CEP44: variants seen among roughly 807,000 people sequenced by gnomAD.
CEP44 encodes centrosomal protein 44.
In CEP44, 45 loss-of-function variants were observed where a neutral mutation model predicts 46.7. The ratio of observed to expected loss-of-function variants is 0.96; its 90% CI spans 0.76 to 1.24. CEP44 has a LOEUF of 1.24. CEP44 is among the 50% of genes most tolerant of loss of function. The probability of loss-of-function intolerance (pLI) is 0.00; values close to 1 mark genes in which losing one functional copy is unlikely to be tolerated. For synonymous variants in CEP44, 142 were observed against 146.0 expected (o/e 0.97, Z 0.20); for missense variants, 475 against 459.7 (o/e 1.03, Z -0.30).
chr4:174,287,860 C>T lies in CEP44; in HGVS notation c.-148+3917C>T, dbSNP rs901178804. ...AATGAATTAGGTAGAGCTAGTAATACCAGGTATAGACAAGAATGTAGTATT... is the reference window on the plus strand; with the variant it reads ...AATGAATTAGGTAGAGCTAGTAATATCAGGTATAGACAAGAATGTAGTATT... On this transcript the variant is annotated intron_variant, in intron 1 of 11. Coordinates refer to ENST00000503780, the MANE Select transcript of CEP44 (RefSeq NM_001040157.3). This position sits in a 1 kb window ranked among gnomAD's most constrained non-coding sequence, Gnocchi z 5.1. Among the ~76,000 whole-genome samples, 20 of 152,114 alleles carry T rather than the reference C, an allele frequency of 1.3e-4. No individual in the cohort carries two copies. The highest frequency in any genetic ancestry group is 1.6e-4 in the Non-Finnish European group (11 of 68,024).
At chr4:174,308,490 G>T (rs948813177) in intron 6 of CEP44, among the ~76,000 whole-genome samples, 199 bp from the exon 7 acceptor site, 2 of 152,084 alleles carry the variant, frequency 1.3e-5, no homozygotes, top group African/African-American at 4.8e-5. Flanking sequence ...GTGGAGGGTA[G>T]GAGGAGGTTC....
chr4:174,291,787 C>CTTT (rs56201469), intron 1 of CEP44, among the ~76,000 whole-genome samples: 9,876 of 46,344 alleles, frequency 0.21, 2,280 homozygotes, highest in Non-Finnish European at 0.26. Context: ...TTTTTCTTTT[C>CTTT]TTTTTTTTTT....
In CEP44 at chr4:174,290,638, CA is replaced by C. The variant is rs1738089996; in HGVS notation, c.-148+6698del. 6.6e-6 allele frequency among the ~76,000 whole-genome samples: 1 copy of C among 152,088 alleles called. No individual in the cohort carries two copies. Among genetic ancestry groups the C allele is most frequent in the South Asian group, 2.1e-4 (1 of 4,820 alleles). On this transcript the variant is annotated intron_variant, in intron 1 of 11. Coordinates refer to ENST00000503780, the MANE Select transcript of CEP44 (RefSeq NM_001040157.3). This position sits in a 1 kb window ranked among gnomAD's most constrained non-coding sequence, Gnocchi z 4.3. ...CAGTACATTATAGACAGTGACGTATCAAAGTCTCCTTCTGTATTGTATTGAT... is the reference window on the plus strand; with the variant it reads ...CAGTACATTATAGACAGTGACGTATCAAGTCTCCTTCTGTATTGTATTGAT...
In CEP44 at chr4:174,318,803, C is replaced by G; in HGVS notation, c.*1420C>G. On this transcript the variant is annotated 3_prime_UTR_variant, in exon 12 of 12. Coordinates refer to ENST00000503780, the MANE Select transcript of CEP44 (RefSeq NM_001040157.3). ...TTTTAAGAAAACATTTTTAGAATTC[C>G]TTTGTTTTTTTTTTTTTTCTTTTTG... is the stretch of plus-strand genomic sequence containing the variant. 1.4e-6 allele frequency: 1 copy of G among 697,052 alleles called. No individual in the cohort carries two copies. The highest frequency in any genetic ancestry group is 1.8e-6 in the Non-Finnish European group (1 of 570,498). 43.2% of individuals were successfully genotyped at this position (697,052 alleles called of 1,614,324 possible).
intron 9 of CEP44, among the ~76,000 whole-genome samples, chr4:174,313,497 A>G (rs1373867195): frequency 2.0e-5 from 3 of 152,128 alleles, no homozygotes; most frequent in Non-Finnish European, 2.9e-5. Flanking sequence ...AGAAAGATCA[A>G]GTCATGGAGT....
rs984868604 is a variant in CEP44 at position 174,319,057 on chromosome 4, C to T, written c.*1674C>T. ...CTCGTGAGCTAAAGCTACTCGCCCA[C>T]CTGGATGTCCCAAAGTGCTAGATTC... is the stretch of plus-strand genomic sequence containing the variant. On this transcript the variant is annotated 3_prime_UTR_variant, in exon 12 of 12. Coordinates refer to ENST00000503780, the MANE Select transcript of CEP44 (RefSeq NM_001040157.3). 1 of 747,958 alleles carries T rather than the reference C, an allele frequency of 1.3e-6. No individual in the cohort carries two copies. Among genetic ancestry groups the T allele is most frequent in the African/African-American group, 1.9e-5 (1 of 52,288 alleles). The allele number at this position is 747,958 out of a possible 1,614,324, so 46.3% of individuals were successfully genotyped here. A position where few individuals can be genotyped will look rare whatever the true frequency, so the allele number is the denominator to read the frequency against.
chr4:174,319,701 A>G lies in CEP44; in HGVS notation c.*2318A>G. ...AGAATCCAAATTTTCTTAAACTTTA[A>G]TAACTTGTCTAACAACTCTCTAATA... On this transcript the variant is annotated 3_prime_UTR_variant, in exon 12 of 12. Coordinates refer to ENST00000503780, the MANE Select transcript of CEP44 (RefSeq NM_001040157.3). 1 of 844,522 alleles carries G rather than the reference A, an allele frequency of 1.2e-6. No individual in the cohort carries two copies. Among genetic ancestry groups the G allele is most frequent in the Non-Finnish European group, 1.4e-6 (1 of 700,540 alleles). 52.3% of individuals were successfully genotyped at this position (844,522 alleles called of 1,614,324 possible).
Position 174,319,191 on chromosome 4 carries a change from G to C in CEP44, c.*1808G>C. 1 of 976,030 alleles carries C rather than the reference G, an allele frequency of 1.0e-6. No homozygotes were observed. The highest frequency in any genetic ancestry group is 1.8e-5 in the African/African-American group (1 of 57,124). The allele number at this position is 976,030 out of a possible 1,614,324, so 60.5% of individuals were successfully genotyped here. A position where few individuals can be genotyped will look rare whatever the true frequency, so the allele number is the denominator to read the frequency against. On this transcript the variant is annotated 3_prime_UTR_variant, in exon 12 of 12. Transcript: ENST00000503780. ...GAAACATACAATTTTGAATTTAACA[G>C]AGTTTCAGTAAATATTTCCAGAATT...
intron 9 of CEP44, 135 bp from the exon 10 acceptor site, chr4:174,316,030 TA>T: frequency 3.8e-6 from 4 of 1,065,642 alleles, no homozygotes; most frequent in Non-Finnish European, 4.0e-6. Flanking sequence ...TTAAGAGTAC[TA>T]AAAACTCTTT....
At chr4:174,322,213 C>T (rs774157519), downstream of CEP44, among the ~76,000 whole-genome samples, 5 of 152,110 alleles carry the variant, frequency 3.3e-5, no homozygotes, top group Non-Finnish European at 7.4e-5. Context: ...CAATTATCCT[C>T]TCAATTTCGC....
At chr4:174,320,409 C>A, downstream of CEP44, 1 of 701,148 alleles carries the variant, frequency 1.4e-6, no homozygotes, top group Non-Finnish European at 1.7e-6. Context: ...TTAATATAAC[C>A]TTCTCAATTT....
At chr4:174,285,900 C>T (rs1170411186) in intron 1 of CEP44, among the ~76,000 whole-genome samples, 1 of 152,160 alleles carries the variant, frequency 6.6e-6, no homozygotes, top group African/African-American at 2.4e-5. Flanking sequence ...TCCATCTACC[C>T]CCAGTCAGTC....
At position 174,301,880 on chromosome 4, in the gene CEP44, A is replaced by T. The variant is rs796189405; in HGVS notation, c.90-159A>T. Among the ~76,000 whole-genome samples the T allele has an allele frequency of 1.1e-4, 16 of 152,284 alleles. No individual in the cohort carries two copies. Among genetic ancestry groups the T allele is most frequent in the African/African-American group, 3.6e-4 (15 of 41,588 alleles). On this transcript the variant is annotated intron_variant, in intron 3 of 11. Transcript: ENST00000503780. The surrounding 1 kb of genome is among the most constrained non-coding windows in gnomAD (Gnocchi z 4.3). ...TGGCTAGACTGGTTTCAAATGGGGA[A>T]TGGAATCTAGAAAGTCTCATGTATC...
At position 174,295,023 on chromosome 4, in the gene CEP44, CG is replaced by C. The variant is rs1388150280; in HGVS notation, c.-147-2937del. Among the ~76,000 whole-genome samples the C allele has an allele frequency of 2.0e-3, 269 of 131,786 alleles. 1 individual carries two copies. Among genetic ancestry groups the C allele is most frequent in the African/African-American group, 7.9e-3 (254 of 32,332 alleles). The allele number at this position is 131,786 out of a possible 152,430, so 86.5% of individuals were successfully genotyped here. On this transcript the variant is annotated intron_variant, in intron 1 of 11. Coordinates refer to ENST00000503780, the MANE Select transcript of CEP44 (RefSeq NM_001040157.3). ...CTCCCGGATGGGACGGCTGGCCAGG[CG>C]GGGGGCTGACCCCCCCACCTCCCTC...
At chr4:174,308,616 CTTAAAAG>C (rs1740715281) in intron 6 of CEP44, 66 bp from the exon 7 acceptor site, 4 of 1,474,702 alleles carry the variant, frequency 2.7e-6, no homozygotes, top group East Asian at 2.3e-5. Context: ...GACCCCTGAA[CTTAAAAG>C]TTAAAAAATA....
At chr4:174,292,655 C>G (rs1181589066) in intron 1 of CEP44, among the ~76,000 whole-genome samples, 3 of 152,180 alleles carry the variant, frequency 2.0e-5, no homozygotes, top group East Asian at 3.9e-4. Context: ...GTTGTTGAAG[C>G]CTTCTATTGA....
At chr4:174,322,816 G>A (rs566810856), downstream of CEP44, among the ~76,000 whole-genome samples, 7 of 152,082 alleles carry the variant, frequency 4.6e-5, no homozygotes, top group African/African-American at 1.7e-4. Context: ...CAACTTTATT[G>A]TTATACTACA....
In CEP44 at chr4:174,306,493, T is replaced by C. The variant is rs553050338; in HGVS notation, c.507+2124T>C. On this transcript the variant is annotated intron_variant, in intron 6 of 11. Transcript: ENST00000503780. ...TTTTGTCTTTATTTTAAATCAAATCTCAGACATAATTTAATAAATATTTCA... is the reference window on the plus strand; with the variant it reads ...TTTTGTCTTTATTTTAAATCAAATCCCAGACATAATTTAATAAATATTTCA... 2.3e-4 allele frequency among the ~76,000 whole-genome samples: 35 copies of C among 152,256 alleles called. 1 individual carries two copies. The South Asian group carries it at 7.3e-3, about 32-fold the overall frequency.
chr4:174,294,031 C>T (rs1356455037), intron 1 of CEP44, among the ~76,000 whole-genome samples: 1 of 150,148 alleles, frequency 6.7e-6, no homozygotes, highest in Non-Finnish European at 1.5e-5. Flanking sequence ...ATATTATTTA[C>T]AATCCATATA....
Sources: allele counts gnomAD v4.1 joint callset (sites outside exome capture counted in the v4.1 genomes callset), GRCh38; gene constraint gnomAD v4.1.1; non-coding constraint Gnocchi (gnomAD v3.1); transcripts MANE v1.5; gene names NCBI Gene and HGNC (gene_info 2026-07-23, HGNC 2026-07-21).